Variants in SMURF1 observed in about 807,000 individuals in gnomAD.
The protein encoded by SMURF1 is SMAD specific E3 ubiquitin protein ligase 1.
In SMURF1, 44 loss-of-function variants were observed where a neutral mutation model predicts 98.0. The ratio of observed to expected loss-of-function variants is 0.45; its 90% CI spans 0.35 to 0.58. The LOEUF (loss-of-function observed/expected upper bound fraction) is 0.58. Ranked by LOEUF, SMURF1 falls within the 20% of genes least tolerant of loss-of-function variation. The pLI, the probability that SMURF1 is intolerant of heterozygous loss-of-function variation, is 0.00. For missense variants in SMURF1, 687 were observed against 938.4 expected (o/e 0.73, Z 3.50); for synonymous variants, 396 against 374.9 (o/e 1.06, Z -0.65).
At chr7:99,122,277 G>A (rs1181149507) in intron 1 of SMURF1, among the ~76,000 whole-genome samples, 5 of 149,898 alleles carry the variant, frequency 3.3e-5, no homozygotes, top group South Asian at 2.1e-4. Flanking sequence ...GCAGTAAGCC[G>A]AGATCGGGCC....
chr7:99,038,219 C>T (rs1025143876), intron 14 of SMURF1, among the ~76,000 whole-genome samples, 169 bp downstream of exon 14: 5 of 152,196 alleles, frequency 3.3e-5, no homozygotes, highest in African/African-American at 4.8e-5. Flanking sequence ...AGATCCCTGA[C>T]GCTGCTGCTG....
chr7:99,134,064 T>C (rs73147628), intron 1 of SMURF1, among the ~76,000 whole-genome samples: 6,604 of 150,902 alleles, frequency 0.044, 170 homozygotes, highest in Middle Eastern at 0.067. Context: ...TTCTATTTCT[T>C]GATCTAGATC....
rs185993620 is a variant in SMURF1, at chr7:99,033,028, G to T, written c.2096+9C>A. The T allele has an allele frequency of 6.3e-7, 1 of 1,598,716 alleles. No individual in the cohort carries two copies. The highest frequency in any genetic ancestry group is 8.5e-7 in the Non-Finnish European group (1 of 1,172,006). ...CAGGACGCCGTGACTTCCTGGCCGC[G>T]GTGCTTACCAGGTATGGGCCTTCGG... On this transcript the variant is annotated intron_variant, in intron 17 of 17. Transcript: ENST00000361368.
In SMURF1 at chr7:99,100,497, C is replaced by T. The variant is rs1409568149; in HGVS notation, c.56-38660G>A. On this transcript the variant is annotated intron_variant, in intron 1 of 17. Transcript: ENST00000361368. Reference sequence around the variant, plus strand: ...TTTAACCTGGGGACAGAGGTTGCAGCGAGCCAAGATCGCACCACTTCATTC... The same window carrying T: ...TTTAACCTGGGGACAGAGGTTGCAGTGAGCCAAGATCGCACCACTTCATTC... Among the ~76,000 whole-genome samples, 13 of 152,184 alleles carry T rather than the reference C, an allele frequency of 8.5e-5. No individual in the cohort carries two copies. In the South Asian group the frequency reaches 1.0e-3, roughly 12 times the overall value.
intron 1 of SMURF1, among the ~76,000 whole-genome samples, chr7:99,117,497 C>T (rs1384564162): frequency 6.6e-6 from 1 of 151,688 alleles, no homozygotes; most frequent in Non-Finnish European, 1.5e-5. Flanking sequence ...TACAGGCGCC[C>T]ACCACCACAC....
rs1795110640 is a variant in SMURF1 at position 99,035,734 on chromosome 7, G to A, written c.1810-18C>T. Reference sequence around the variant, plus strand: ...ATGATCAGCTGAGGAGGTGCAGAAAGGTGAATTACTTCCAAAATGCATAAA... The same window carrying A: ...ATGATCAGCTGAGGAGGTGCAGAAAAGTGAATTACTTCCAAAATGCATAAA... On this transcript the variant is annotated intron_variant, in intron 15 of 17. Coordinates refer to ENST00000361368, the MANE Select transcript of SMURF1 (RefSeq NM_181349.3). 6.2e-7 allele frequency: 1 copy of A among 1,611,422 alleles called. No individual in the cohort carries two copies. The highest frequency in any genetic ancestry group is 2.2e-5 in the East Asian group (1 of 44,816).
chr7:99,049,525 A>G (rs1202915372), intron 9 of SMURF1, 38 bp downstream of exon 9: 19 of 1,599,428 alleles, frequency 1.2e-5, no homozygotes, highest in Middle Eastern at 1.7e-4. Context: ...TCGATTACCA[A>G]TGAAAGAGGT....
chr7:99,035,343 G>A (rs1204947399), intron 16 of SMURF1, 172 bp downstream of exon 16: 4 of 826,544 alleles, frequency 4.8e-6, no homozygotes, highest in South Asian at 1.8e-5. Context: ...GCTCACACAC[G>A]GCCCCTGCCA....
intron 1 of SMURF1, among the ~76,000 whole-genome samples, chr7:99,104,478 G>C (rs1182488038): frequency 6.6e-6 from 1 of 152,068 alleles, no homozygotes; most frequent in African/African-American, 2.4e-5. Context: ...ACTAACCCAC[G>C]TGATCTTGGG....
intron 1 of SMURF1, among the ~76,000 whole-genome samples, chr7:99,107,242 C>T (rs538954304): frequency 6.6e-6 from 1 of 152,290 alleles, no homozygotes; most frequent in African/African-American, 2.4e-5. Context: ...TTCTGGAAAA[C>T]TTTGTATATT....
chr7:99,031,001 G>GT (rs1451260398), intron 17 of SMURF1: 6 of 237,894 alleles, frequency 2.5e-5, no homozygotes, highest in Non-Finnish European at 5.0e-5. Flanking sequence ...ACACAGTAAA[G>GT]TAAGTCTTGG....
chr7:99,039,427 C>A (rs895352513), intron 13 of SMURF1, among the ~76,000 whole-genome samples: 3 of 151,806 alleles, frequency 2.0e-5, no homozygotes, highest in African/African-American at 4.8e-5. Flanking sequence ...CTCACTGCAA[C>A]CTCTGCCTCC....
At chr7:99,054,635 T>C (rs768902441) in intron 6 of SMURF1, among the ~76,000 whole-genome samples, 155 bp downstream of exon 6, 23 of 152,294 alleles carry the variant, frequency 1.5e-4, no homozygotes, top group Admixed American at 3.3e-4. Flanking sequence ...GCTTCCTTTA[T>C]AGCCAAGTAA....
chr7:99,048,832 T>A (rs1455011483), intron 9 of SMURF1: 2 of 151,264 alleles, frequency 1.3e-5, no homozygotes, highest in African/African-American at 4.9e-5. Flanking sequence ...GGCTCATGCC[T>A]ATAATCCCAG....
At chr7:99,073,180 A>T (rs1327404562) in intron 1 of SMURF1, among the ~76,000 whole-genome samples, 1 of 151,896 alleles carries the variant, frequency 6.6e-6, no homozygotes, top group African/African-American at 2.4e-5. Context: ...GCTCGAGACC[A>T]GCCTGGCCAA....
In SMURF1 at chr7:99,032,951, C is replaced by CA. The variant is rs1173744534; in HGVS notation, c.2096+85dup. ...AAATATTTTGGCAGAGACTCCATCT[C>CA]AAAAAAAAACAACAAAAAAAAAACG... is the stretch of plus-strand genomic sequence containing the variant. On this transcript the variant is annotated intron_variant, in intron 17 of 17. Transcript: ENST00000361368. 3,762 of 1,320,468 alleles carry CA rather than the reference C, an allele frequency of 2.8e-3. 12 individuals carry two copies. Among genetic ancestry groups the CA allele is most frequent in the East Asian group, 0.022 (877 of 40,788 alleles). The allele number at this position is 1,320,468 out of a possible 1,614,324, so 81.8% of individuals were successfully genotyped here.
chr7:99,087,957 TA>T (rs978541694), intron 1 of SMURF1, among the ~76,000 whole-genome samples: 77 of 146,972 alleles, frequency 5.2e-4, no homozygotes, highest in African/African-American at 1.3e-3. Context: ...AAAATTTCTT[TA>T]AAAAAAAAAA....
intron 1 of SMURF1, among the ~76,000 whole-genome samples, chr7:99,125,437 T>G (rs770612358): frequency 6.6e-6 from 1 of 152,216 alleles, no homozygotes; most frequent in Non-Finnish European, 1.5e-5. Context: ...TGTAAAGCAC[T>G]TAGTCTAAAC....
At chr7:99,046,584 T>C (rs1053569800) in intron 10 of SMURF1, among the ~76,000 whole-genome samples, 1 of 151,418 alleles carries the variant, frequency 6.6e-6, no homozygotes. Context: ...TACAAAAAAT[T>C]AGCTGGGCCT....
Sources: allele counts gnomAD v4.1 joint callset (sites outside exome capture counted in the v4.1 genomes callset), GRCh38; gene constraint gnomAD v4.1.1; transcripts MANE v1.5; gene names NCBI Gene and HGNC (gene_info 2026-07-23, HGNC 2026-07-21).